The following KCNAB2 variants were observed in gnomAD, a reference collection of about 807,000 sequenced individuals.
KCNAB2 encodes potassium voltage-gated channel subfamily A regulatory beta subunit 2, also known as voltage-gated potassium channel subunit beta-2.
KCNAB2 carries 29 observed loss-of-function variants against 63.6 expected under a neutral mutation model. The observed-to-expected ratio is 0.46, with a 90% confidence interval of 0.34 to 0.62. KCNAB2 has a LOEUF of 0.62. Among genes scored for constraint, KCNAB2 ranks in the 20% least tolerant of loss-of-function variants. KCNAB2 has a pLI of 0.01. For missense variants in KCNAB2, 359 were observed against 563.9 expected, an observed-to-expected ratio of 0.64 and a Z score of 3.68; for synonymous variants, 222 against 224.2, an observed-to-expected ratio of 0.99 and a Z score of 0.09.
chr1:5,995,392 T>C (rs936017938), intron 1 of KCNAB2, among the ~76,000 whole-genome samples: 10 of 152,234 alleles, frequency 6.6e-5, no homozygotes, highest in Non-Finnish European at 1.3e-4. Context: ...GTTCATGCCT[T>C]GGCTGTCCGA....
chr1:6,084,593 A>G (rs1332369900), intron 5 of KCNAB2, among the ~76,000 whole-genome samples: 1 of 152,150 alleles, frequency 6.6e-6, no homozygotes, highest in Non-Finnish European at 1.5e-5. Flanking sequence ...CAGTGGGCGG[A>G]TCACTCGAGA....
At chr1:6,001,092 C>G (rs979529510) in intron 1 of KCNAB2, among the ~76,000 whole-genome samples, 1 of 152,132 alleles carries the variant, frequency 6.6e-6, no homozygotes, top group Non-Finnish European at 1.5e-5. Flanking sequence ...GGGAGAGGGA[C>G]AAGGGCAGGT....
upstream of KCNAB2, among the ~76,000 whole-genome samples, chr1:6,045,195 G>A (rs1028101561): frequency 6.6e-6 from 1 of 152,152 alleles, no homozygotes; most frequent in Non-Finnish European, 1.5e-5. This position sits in a 1 kb window ranked among gnomAD's most constrained non-coding sequence, Gnocchi z 4.8. Flanking sequence ...CCCCATGGCA[G>A]CTACCACTGT....
chr1:6,053,973 T>G (rs1053830007), intron 2 of KCNAB2, among the ~76,000 whole-genome samples: 2 of 151,524 alleles, frequency 1.3e-5, no homozygotes, highest in Admixed American at 6.6e-5. Context: ...AACCCAGGAT[T>G]TCAACGCTGC....
intron 1 of KCNAB2, among the ~76,000 whole-genome samples, chr1:6,047,705 A>T (rs1661045751): frequency 6.6e-6 from 1 of 152,018 alleles, no homozygotes; most frequent in East Asian, 1.9e-4. Flanking sequence ...TGCACGGGAC[A>T]CTCCCGTGGG....
intron 1 of KCNAB2, among the ~76,000 whole-genome samples, chr1:5,999,876 G>A (rs915018459): frequency 2.7e-5 from 4 of 150,718 alleles, no homozygotes; most frequent in Admixed American, 6.6e-5. Context: ...CGCCATCTGC[G>A]CCCTCTCCGC....
intron 2 of KCNAB2, among the ~76,000 whole-genome samples, chr1:6,067,004 C>A (rs979646303): frequency 6.6e-6 from 1 of 152,222 alleles, no homozygotes; most frequent in African/African-American, 2.4e-5. Flanking sequence ...CTCTTCCCTG[C>A]CGGGGCCTTT....
At chr1:6,080,436 A>G (rs904332617) in intron 4 of KCNAB2, among the ~76,000 whole-genome samples, 1 of 152,068 alleles carries the variant, frequency 6.6e-6, no homozygotes, top group African/African-American at 2.4e-5. Flanking sequence ...TGATGCATGG[A>G]TGCATTTGAT....
rs1281362412 is a variant in KCNAB2 at position 6,096,730 on chromosome 1, G to C, written c.1043G>C (p.Gly348Ala). ...CTGCAGGCCATCGCCGAGCGCCTGG[G>C]CTGCACCCTGCCCCAGCTGGCCATA... Reference protein sequence around the residue: ...KELQAIAERLGCTLPQLAIAW... With the variant: ...KELQAIAERLACTLPQLAIAW... The change falls in exon 14 of 16, where the codon GGC becomes GCC. Residue 348 changes from glycine (G) to alanine (A), a missense_variant. By Grantham distance (60) the Gly-to-Ala change is moderately conservative. Transcript: ENST00000378083. This position sits in a 1 kb window ranked among gnomAD's most constrained non-coding sequence, Gnocchi z 5.9. The C allele has an allele frequency of 6.3e-7, 1 of 1,590,192 alleles. No individual in the cohort carries two copies. Among genetic ancestry groups the C allele is most frequent in the South Asian group, 1.1e-5 (1 of 87,638 alleles).
chr1:6,009,629 C>A (rs1374707371), intron 1 of KCNAB2, among the ~76,000 whole-genome samples: 1 of 152,214 alleles, frequency 6.6e-6, no homozygotes, highest in East Asian at 1.9e-4. Flanking sequence ...GGAAAAAGAA[C>A]TGCAGCATGA....
rs568605098 is a variant in KCNAB2, at chr1:6,003,242, C to G, written c.-53+10454C>G. ...TGCAGGGGCTCCAGAGCCTGTGCTA[C>G]AAGCCCGGGTGGCCGGAGCCTCCTG... On this transcript the variant is annotated intron_variant, in intron 1 of 16. Transcript: ENST00000341524. This position sits in a 1 kb window ranked among gnomAD's most constrained non-coding sequence, Gnocchi z 4.1. Among the ~76,000 whole-genome samples the G allele has an allele frequency of 6.0e-4, 92 of 152,356 alleles. 1 individual carries two copies. Among genetic ancestry groups the G allele is most frequent in the South Asian group, 3.7e-3 (18 of 4,832 alleles).
At position 6,071,646 on chromosome 1, in the gene KCNAB2, C is replaced by T. The variant is rs1663195503; in HGVS notation, c.219-1109C>T. Reference sequence around the variant, plus strand: ...AGCAAGGCGCCTGCTGCGTAGGGCACCTGCCGCTTAGGACTCCTGCCACCG... The same window carrying T: ...AGCAAGGCGCCTGCTGCGTAGGGCATCTGCCGCTTAGGACTCCTGCCACCG... On this transcript the variant is annotated intron_variant, in intron 2 of 15. Coordinates refer to ENST00000378083, the MANE Select transcript of KCNAB2 (RefSeq NM_001199862.2). The surrounding 1 kb of genome is among the most constrained non-coding windows in gnomAD (Gnocchi z 8.5). Among the ~76,000 whole-genome samples the T allele has an allele frequency of 6.6e-6, 1 of 152,172 alleles. No homozygotes were observed. The highest frequency in any genetic ancestry group is 2.1e-4 in the South Asian group (1 of 4,834).
Position 6,055,353 on chromosome 1 carries a change from C to CT in KCNAB2, c.218+3619dup, listed in dbSNP as rs543532983. Among the ~76,000 whole-genome samples the CT allele has an allele frequency of 4.8e-3, 524 of 109,702 alleles. 4 individuals carry two copies. Among genetic ancestry groups the CT allele is most frequent in the African/African-American group, 0.012 (346 of 29,248 alleles). The allele number at this position is 109,702 out of a possible 152,430, so 72.0% of individuals were successfully genotyped here. ...AGTGGAGGAGACCAGAAGACAAACG[C>CT]TTTTTTTTTTTTTTTTTTTTGAGTT... On this transcript the variant is annotated intron_variant, in intron 2 of 15. Transcript: ENST00000378083.
chr1:6,078,611 G>A lies in KCNAB2; in HGVS notation c.301-3584G>A, dbSNP rs1571047793. Reference sequence around the variant, plus strand: ...GCAGGGGATAGAGCTGGGGGTCAGGGTGCAGATCTGGTGGAGACTTTGGCT... The same window carrying A: ...GCAGGGGATAGAGCTGGGGGTCAGGATGCAGATCTGGTGGAGACTTTGGCT... On this transcript the variant is annotated intron_variant, in intron 4 of 15. Coordinates refer to ENST00000378083, the MANE Select transcript of KCNAB2 (RefSeq NM_001199862.2). The surrounding 1 kb of genome is among the most constrained non-coding windows in gnomAD (Gnocchi z 4.2). Among the ~76,000 whole-genome samples, 1 of 152,150 alleles carries A rather than the reference G, an allele frequency of 6.6e-6. No individual in the cohort carries two copies. The highest frequency in any genetic ancestry group is 2.1e-4 in the South Asian group (1 of 4,830).
upstream of KCNAB2, among the ~76,000 whole-genome samples, chr1:6,044,675 G>T (rs1472083590): frequency 6.6e-6 from 1 of 152,170 alleles, no homozygotes; most frequent in African/African-American, 2.4e-5. Flanking sequence ...AGCAGGGCAG[G>T]GGTCAGAGAT....
At chr1:6,085,173 T>C in intron 5 of KCNAB2, 31 bp from the exon 6 acceptor site, 6 of 1,613,304 alleles carry the variant, frequency 3.7e-6, no homozygotes, top group Non-Finnish European at 5.1e-6. Context: ...TCTGTTTGGC[T>C]GTGATGAGAG....
intron 1 of KCNAB2, among the ~76,000 whole-genome samples, chr1:6,046,714 G>C (rs568291811): frequency 6.6e-6 from 1 of 152,144 alleles, no homozygotes; most frequent in Non-Finnish European, 1.5e-5. Context: ...TTGTAGAGCC[G>C]CACCCCGGAA....
upstream of KCNAB2, among the ~76,000 whole-genome samples, chr1:6,042,329 A>T (rs939165766): frequency 2.0e-5 from 3 of 152,168 alleles, no homozygotes; most frequent in African/African-American, 7.2e-5. Context: ...TTGAAGGTTA[A>T]TGCCTGCTTG....
rs1659925934 is a variant in KCNAB2, at chr1:6,035,111, C to T, written c.-53+317C>T. On this transcript the variant is annotated intron_variant, in intron 1 of 15. Transcript: ENST00000164247. This position sits in a 1 kb window ranked among gnomAD's most constrained non-coding sequence, Gnocchi z 5.0. ...AGGCAAACGTGGGAGCATGCTCAGGCAGACCACGGTGGTCAGAAGTTGAAT... is the reference window on the plus strand; with the variant it reads ...AGGCAAACGTGGGAGCATGCTCAGGTAGACCACGGTGGTCAGAAGTTGAAT... Among the ~76,000 whole-genome samples, 1 of 152,080 alleles carries T rather than the reference C, an allele frequency of 6.6e-6. No individual in the cohort carries two copies. The highest frequency in any genetic ancestry group is 1.5e-5 in the Non-Finnish European group (1 of 68,018).
Sources: allele counts gnomAD v4.1 joint callset (sites outside exome capture counted in the v4.1 genomes callset), GRCh38; gene constraint gnomAD v4.1.1; non-coding constraint Gnocchi (gnomAD v3.1); transcripts MANE v1.5; gene names NCBI Gene and HGNC (gene_info 2026-07-23, HGNC 2026-07-21).